Variants in KAZN observed in about 807,000 individuals in gnomAD.
KAZN encodes kazrin, periplakin interacting protein, also known as kazrin.
In KAZN, 40 loss-of-function variants were observed where a neutral mutation model predicts 87.4. The ratio of observed to expected loss-of-function variants is 0.46; its 90% CI spans 0.36 to 0.60. The LOEUF (loss-of-function observed/expected upper bound fraction) is 0.60, where lower values mean the gene tolerates loss of function less well. Among genes scored for constraint, KAZN ranks in the 20% least tolerant of loss-of-function variants. The pLI is 0.00. For missense variants in KAZN, 898 were observed against 1,073.9 expected (o/e 0.84, Z 2.29); for synonymous variants, 466 against 458.3 (o/e 1.02, Z -0.22).
At chr1:14,847,342 G>A (rs1648906244) in intron 1 of KAZN, among the ~76,000 whole-genome samples, 1 of 152,178 alleles carries the variant, frequency 6.6e-6, no homozygotes, top group Non-Finnish European at 1.5e-5. Flanking sequence ...CTGCAGCCGA[G>A]GCCTGTGAAG....
chr1:14,152,122 T>A (rs1261482831), intron 1 of KAZN, among the ~76,000 whole-genome samples: 1 of 152,224 alleles, frequency 6.6e-6, no homozygotes, highest in African/African-American at 2.4e-5. Flanking sequence ...AATAACCATA[T>A]ATGGGTAAAT....
chr1:14,651,954 G>A (rs1357883370), intron 1 of KAZN, among the ~76,000 whole-genome samples: 1 of 152,186 alleles, frequency 6.6e-6, no homozygotes, highest in Non-Finnish European at 1.5e-5. Flanking sequence ...TCCCTGTAAG[G>A]GGAAAATCAT....
intron 1 of KAZN, among the ~76,000 whole-genome samples, chr1:14,823,844 T>C (rs1341470370): frequency 6.6e-6 from 1 of 152,134 alleles, no homozygotes; most frequent in Admixed American, 6.5e-5. Context: ...CCCGGCGTGG[T>C]GGCTTGCGCC....
intron 2 of KAZN, among the ~76,000 whole-genome samples, chr1:14,182,481 C>A (rs1382923712): frequency 6.6e-6 from 1 of 152,162 alleles, no homozygotes; most frequent in Non-Finnish European, 1.5e-5. Context: ...AAACCGCTAA[C>A]TTTTTGAAAC....
intron 2 of KAZN, among the ~76,000 whole-genome samples, chr1:14,284,789 C>T (rs531794323): frequency 7.9e-5 from 12 of 152,132 alleles, no homozygotes; most frequent in Non-Finnish European, 1.2e-4. Flanking sequence ...GAAGTAAGTA[C>T]GTCAGCAATT....
intron 2 of KAZN, among the ~76,000 whole-genome samples, chr1:14,971,989 C>T (rs1253429380): frequency 6.6e-6 from 1 of 152,138 alleles, no homozygotes; most frequent in African/African-American, 2.4e-5. Context: ...GCAGCAGAGG[C>T]TGTCTTTACG....
At chr1:15,069,341 G>C (rs918520233) in intron 8 of KAZN, among the ~76,000 whole-genome samples, 8 of 152,154 alleles carry the variant, frequency 5.3e-5, no homozygotes, top group Non-Finnish European at 1.2e-4. Context: ...AACTAACCCC[G>C]TCTCTCATGC....
chr1:14,492,905 C>T (rs1182042573), intron 2 of KAZN, among the ~76,000 whole-genome samples: 1 of 151,702 alleles, frequency 6.6e-6, no homozygotes, highest in Non-Finnish European at 1.5e-5. Flanking sequence ...CCTCTGCCAT[C>T]CCCCACCACT....
At chr1:15,053,253 G>T (rs1488665614) in intron 4 of KAZN, among the ~76,000 whole-genome samples, 1 of 152,240 alleles carries the variant, frequency 6.6e-6, no homozygotes, top group Non-Finnish European at 1.5e-5. Context: ...AGGGAAGGCA[G>T]GTGCCGCCAC....
At chr1:14,568,666 G>C (rs1010094465) in intron 2 of KAZN, among the ~76,000 whole-genome samples, 5 of 152,148 alleles carry the variant, frequency 3.3e-5, no homozygotes, top group East Asian at 1.9e-4. Context: ...GGTGGGATTT[G>C]GGTGGGGACA....
intron 1 of KAZN, among the ~76,000 whole-genome samples, chr1:14,142,276 A>G (rs1557510284): frequency 1.3e-5 from 2 of 152,166 alleles, no homozygotes; most frequent in Non-Finnish European, 2.9e-5. Flanking sequence ...TCCATTTTCA[A>G]AACCTCCTGG....
chr1:14,363,647 C>G (rs1231739049), intron 2 of KAZN, among the ~76,000 whole-genome samples: 1 of 152,164 alleles, frequency 6.6e-6, no homozygotes, highest in Non-Finnish European at 1.5e-5. Context: ...ACCTATGGGC[C>G]AAATCCAGCC....
chr1:14,558,873 T>G (rs568261506), intron 2 of KAZN, among the ~76,000 whole-genome samples: 3 of 152,342 alleles, frequency 2.0e-5, no homozygotes, highest in East Asian at 3.9e-4. Flanking sequence ...GTGGGGCTTA[T>G]GAAAGGCATC....
intron 2 of KAZN, among the ~76,000 whole-genome samples, chr1:14,582,146 C>CA (rs1184158881): frequency 4.1e-5 from 6 of 144,920 alleles, no homozygotes; most frequent in African/African-American, 9.8e-5. Context: ...ATTTTACAAG[C>CA]AAAAAAAACC....
intron 1 of KAZN, among the ~76,000 whole-genome samples, chr1:14,060,465 A>T (rs1642751613): frequency 6.6e-6 from 1 of 152,078 alleles, no homozygotes; most frequent in Admixed American, 6.5e-5. Flanking sequence ...GTTTCCCATA[A>T]TGATAAAGAT....
chr1:14,738,873 TG>T (rs1643998820), intron 1 of KAZN, among the ~76,000 whole-genome samples: 1 of 152,116 alleles, frequency 6.6e-6, no homozygotes, highest in Non-Finnish European at 1.5e-5. Flanking sequence ...GAGTCTGAGT[TG>T]AAAACTAGAC....
chr1:13,921,482 G>A (rs1640065778), intron 1 of KAZN, among the ~76,000 whole-genome samples: 1 of 152,206 alleles, frequency 6.6e-6, no homozygotes, highest in African/African-American at 2.4e-5. Context: ...ACAGGTTATA[G>A]TTTACTGACA....
intron 2 of KAZN, among the ~76,000 whole-genome samples, chr1:14,531,917 C>G (rs1274782063): frequency 6.6e-6 from 1 of 152,134 alleles, no homozygotes; most frequent in Non-Finnish European, 1.5e-5. Flanking sequence ...AGCCTCCCCG[C>G]GGGAGAGAGG....
At chr1:14,948,802 C>T (rs1191337391) in intron 1 of KAZN, among the ~76,000 whole-genome samples, 1 of 152,118 alleles carries the variant, frequency 6.6e-6, no homozygotes. Flanking sequence ...CATCCCAAGT[C>T]AGCCCACCTG....
Sources: gnomAD v4.1 joint callset for allele counts (sites outside exome capture counted in the v4.1 genomes callset) on GRCh38, gnomAD v4.1.1 for gene constraint, MANE v1.5 for transcripts, NCBI Gene and HGNC (gene_info 2026-07-23, HGNC 2026-07-21) for gene names.